MED27: variants seen among roughly 807,000 people sequenced by gnomAD.
The protein encoded by MED27 is mediator complex subunit 27.
In MED27, 30 loss-of-function variants were observed where a neutral mutation model predicts 38.2. The observed-to-expected ratio is 0.79, with a 90% CI of 0.59 to 1.07. The LOEUF (loss-of-function observed/expected upper bound fraction) is 1.07, where lower values mean the gene tolerates loss of function less well. MED27 is among the 50% of genes least tolerant of loss of function. The probability of loss-of-function intolerance (pLI) is 0.00; values close to 1 mark genes in which losing one functional copy is unlikely to be tolerated. For missense variants in MED27, 289 were observed against 397.5 expected (o/e 0.73, Z 2.32); for synonymous variants, 122 against 153.5 (o/e 0.79, Z 1.52).
At chr9:131,941,385 T>C (rs1830783172) in intron 3 of MED27, among the ~76,000 whole-genome samples, 1 of 152,164 alleles carries the variant, frequency 6.6e-6, no homozygotes, top group Non-Finnish European at 1.5e-5. Context: ...GCAGAAAACA[T>C]AATGCCTTTT....
chr9:131,945,004 T>C (rs1830858093), intron 3 of MED27, among the ~76,000 whole-genome samples: 1 of 151,186 alleles, frequency 6.6e-6, no homozygotes, highest in Non-Finnish European at 1.5e-5. Context: ...CTGTGGTCCC[T>C]GGTTTGCTTT....
chr9:131,951,067 G>A (rs116002840), intron 3 of MED27, among the ~76,000 whole-genome samples: 4,536 of 152,202 alleles, frequency 0.03, 220 homozygotes, highest in African/African-American at 0.098. Context: ...GATGACAAAC[G>A]GAAAGTAACT....
rs191891479 is a variant in MED27, at chr9:131,997,970, G to T, written c.479+16367C>A. Among the ~76,000 whole-genome samples the T allele has an allele frequency of 8.9e-4, 136 of 152,214 alleles. No individual in the cohort carries two copies. Among genetic ancestry groups the T allele is most frequent in the African/African-American group, 3.1e-3 (130 of 41,520 alleles). On this transcript the variant is annotated intron_variant, in intron 3 of 7. Transcript: ENST00000292035. This position sits in a 1 kb window ranked among gnomAD's most constrained non-coding sequence, Gnocchi z 4.0. Reference sequence around the variant, plus strand: ...GTCTATAAATCTGGGCTCATTTGTAGAACAGAAATATCTGTTCCCACTGGC... The same window carrying T: ...GTCTATAAATCTGGGCTCATTTGTATAACAGAAATATCTGTTCCCACTGGC...
At chr9:131,884,917 A>G (rs1229111040) in intron 5 of MED27, among the ~76,000 whole-genome samples, 3 of 152,062 alleles carry the variant, frequency 2.0e-5, no homozygotes, top group Non-Finnish European at 2.9e-5. Context: ...CCTTTTTACC[A>G]TTTCAAAATT....
chr9:132,060,833 C>T (rs929692972), intron 2 of MED27, among the ~76,000 whole-genome samples: 2 of 152,130 alleles, frequency 1.3e-5, no homozygotes, highest in Admixed American at 6.5e-5. Flanking sequence ...CCTGTAATCT[C>T]AGCTACTTGG....
chr9:131,934,049 G>T (rs1186000544), intron 4 of MED27, among the ~76,000 whole-genome samples: 1 of 152,166 alleles, frequency 6.6e-6, no homozygotes, highest in Non-Finnish European at 1.5e-5. Flanking sequence ...TCAATAAATG[G>T]TGCTGGGAAA....
chr9:131,964,110 C>G (rs1303755536), intron 3 of MED27, among the ~76,000 whole-genome samples: 2 of 151,866 alleles, frequency 1.3e-5, no homozygotes, highest in Non-Finnish European at 2.9e-5. Context: ...TCCAGTGAAC[C>G]TGGGGAAGTA....
intron 3 of MED27, among the ~76,000 whole-genome samples, chr9:131,960,742 C>T (rs973029595): frequency 1.3e-5 from 2 of 152,134 alleles, no homozygotes; most frequent in African/African-American, 4.8e-5. Context: ...CCTTTGAACA[C>T]AGGTATACAA....
intron 3 of MED27, among the ~76,000 whole-genome samples, chr9:132,011,315 A>G (rs1832482413): frequency 6.6e-6 from 1 of 152,224 alleles, no homozygotes; most frequent in African/African-American, 2.4e-5. Flanking sequence ...CCTAATCTTA[A>G]TAACTTTTTC....
chr9:131,977,876 A>C (rs1831641462), intron 3 of MED27, among the ~76,000 whole-genome samples: 1 of 152,188 alleles, frequency 6.6e-6, no homozygotes, highest in Non-Finnish European at 1.5e-5. Context: ...AGAGCAACCA[A>C]ATTGTTTGAG....
At chr9:131,897,188 G>A (rs890950092) in intron 4 of MED27, among the ~76,000 whole-genome samples, 6 of 152,216 alleles carry the variant, frequency 3.9e-5, no homozygotes, top group African/African-American at 1.4e-4. Context: ...GGACATTCGG[G>A]TTACTTCCAA....
chr9:131,960,825 C>A (rs1057490589), intron 3 of MED27, among the ~76,000 whole-genome samples: 4 of 152,094 alleles, frequency 2.6e-5, no homozygotes, highest in African/African-American at 9.7e-5. Flanking sequence ...CTAAAACATG[C>A]AAATGGAAGT....
chr9:131,904,696 G>A (rs150587628), intron 4 of MED27, among the ~76,000 whole-genome samples: 3 of 152,154 alleles, frequency 2.0e-5, no homozygotes, highest in Non-Finnish European at 4.4e-5. Flanking sequence ...TTCCACTCAC[G>A]AGTGAACTGG....
At chr9:131,941,856 C>T (rs1203557557) in intron 3 of MED27, among the ~76,000 whole-genome samples, 1 of 114,178 alleles carries the variant, frequency 8.8e-6, no homozygotes, top group Non-Finnish European at 1.7e-5. Context: ...GACCGAGTCT[C>T]GCTCTGTCAC....
intron 6 of MED27, among the ~76,000 whole-genome samples, chr9:131,880,895 A>T (rs190714783): frequency 4.0e-5 from 6 of 151,786 alleles, no homozygotes; most frequent in Admixed American, 2.0e-4. Flanking sequence ...AATACTTAAT[A>T]CTACAAGAAC....
At chr9:132,040,177 T>A (rs1209854749) in intron 2 of MED27, among the ~76,000 whole-genome samples, 1 of 152,172 alleles carries the variant, frequency 6.6e-6, no homozygotes, top group Admixed American at 6.5e-5. Context: ...TCAGCATCAG[T>A]CCCCGCATAT....
intron 2 of MED27, among the ~76,000 whole-genome samples, chr9:132,071,313 C>A (rs1347292743): frequency 2.0e-5 from 3 of 151,998 alleles, no homozygotes; most frequent in South Asian, 2.1e-4. Flanking sequence ...AGCACACACA[C>A]GAGAAACAGG....
chr9:131,985,639 A>C (rs948654199), intron 3 of MED27, among the ~76,000 whole-genome samples: 4 of 152,222 alleles, frequency 2.6e-5, no homozygotes, highest in African/African-American at 9.6e-5. Flanking sequence ...AGAGTGCTTG[A>C]TAATGATAAT....
intron 3 of MED27, among the ~76,000 whole-genome samples, chr9:131,962,377 C>T (rs903483938): frequency 3.9e-5 from 6 of 152,196 alleles, no homozygotes; most frequent in African/African-American, 1.4e-4. Flanking sequence ...GCTGGCATTA[C>T]AGGCATGTGC....
Sources: allele counts gnomAD v4.1 joint callset (sites outside exome capture counted in the v4.1 genomes callset), GRCh38; gene constraint gnomAD v4.1.1; non-coding constraint Gnocchi (gnomAD v3.1); transcripts MANE v1.5; gene names NCBI Gene and HGNC (gene_info 2026-07-23, HGNC 2026-07-21).